The following ARMC2 variants were observed in gnomAD, a reference collection of about 807,000 sequenced individuals.
The protein encoded by ARMC2 is armadillo repeat-containing protein 2.
Under a neutral mutation model 90.3 loss-of-function variants are expected in ARMC2, and 67 were observed. That is an observed-to-expected ratio of 0.74 (90% CI 0.61 to 0.91). ARMC2 has a LOEUF of 0.91. Among genes scored for constraint, ARMC2 ranks in the 40% least tolerant of loss-of-function variants. The pLI is 0.00. For synonymous variants in ARMC2, 393 were observed against 393.0 expected, an observed-to-expected ratio of 1.00 and a Z score of 0.00; for missense variants, 920 against 1,030.9, an observed-to-expected ratio of 0.89 and a Z score of 1.47.
chr6:108,864,845 A>G (rs1211414194), intron 3 of ARMC2, among the ~76,000 whole-genome samples: 1 of 152,150 alleles, frequency 6.6e-6, no homozygotes, highest in African/African-American at 2.4e-5. Context: ...GGGTTGTCCT[A>G]TGGAAATAGA....
Position 108,912,568 on chromosome 6 carries a change from T to C in ARMC2, c.1350+10T>C, listed in dbSNP as rs536264168. On this transcript the variant is annotated intron_variant, in intron 10 of 17. Transcript: ENST00000392644. ...CCACTTGCTAGTCCAGGTAAGTATT[T>C]TACTTGAAAACGTTAGATGTGTAAA... 186 of 1,599,758 alleles carry C rather than the reference T, an allele frequency of 1.2e-4. 1 individual carries two copies. In the South Asian group the frequency reaches 1.5e-3, roughly 13 times the overall value.
chr6:108,892,690 C>T lies in ARMC2; in HGVS notation c.672-1777C>T, dbSNP rs537064308. Among the ~76,000 whole-genome samples the T allele has an allele frequency of 4.2e-5, 6 of 142,040 alleles. No homozygotes were observed. In the East Asian group the frequency reaches 1.3e-3, roughly 30 times the overall value. 93.2% of individuals were successfully genotyped at this position (142,040 alleles called of 152,430 possible). A position where few individuals can be genotyped will look rare whatever the true frequency, so the allele number is the denominator to read the frequency against. On this transcript the variant is annotated intron_variant, in intron 5 of 17. Transcript: ENST00000392644. The stretch of plus-strand genomic sequence containing the variant: ...AGGAGAATCCCTTGGACCTGGGAGG[C>T]GGAAGTTGGGGTGAGCCGAGATCAC...
downstream of ARMC2, among the ~76,000 whole-genome samples, chr6:108,978,636 C>G (rs541036431): frequency 1.5e-4 from 23 of 152,276 alleles, no homozygotes; most frequent in South Asian, 4.6e-3. Context: ...GTCTAAGTCT[C>G]TTTGTAGGTC....
intron 7 of ARMC2, among the ~76,000 whole-genome samples, chr6:108,902,917 C>T (rs1772296374): frequency 6.6e-6 from 1 of 151,984 alleles, no homozygotes; most frequent in African/African-American, 2.4e-5. Context: ...ATTACATTCC[C>T]AGGACTTTGG....
rs1778888623 is a variant in ARMC2 at position 108,973,341 on chromosome 6, A to C, written c.2447-16A>C. The C allele has an allele frequency of 6.3e-7, 1 of 1,593,022 alleles. No individual in the cohort carries two copies. The highest frequency in any genetic ancestry group is 1.4e-5 in the African/African-American group (1 of 73,796). ...CATTTCTAAATAATGCTGTAATTTAAATTTTTCTAATACAGATGAAGAACT... is the reference window on the plus strand; with the variant it reads ...CATTTCTAAATAATGCTGTAATTTACATTTTTCTAATACAGATGAAGAACT... On this transcript the variant is annotated splice_polypyrimidine_tract_variant and intron_variant, in intron 17 of 17. Coordinates refer to ENST00000392644, the MANE Select transcript of ARMC2 (RefSeq NM_032131.6).
intron 4 of ARMC2, among the ~76,000 whole-genome samples, chr6:108,874,566 G>C (rs1776750558): frequency 6.6e-6 from 1 of 152,184 alleles, no homozygotes; most frequent in African/African-American, 2.4e-5. Context: ...CAATAATCAT[G>C]ACAATAACTT....
chr6:108,867,696 G>C (rs1458257178), intron 3 of ARMC2, among the ~76,000 whole-genome samples: 2 of 152,144 alleles, frequency 1.3e-5, no homozygotes, highest in Admixed American at 1.3e-4. Context: ...GCTTGAACCT[G>C]GGAGGCGGAG....
chr6:108,988,448 G>T, the ARMC2 span: 1 of 1,103,386 alleles, frequency 9.1e-7, no homozygotes, highest in Non-Finnish European at 1.3e-6. Flanking sequence ...GGTTGGTAGG[G>T]GTGATGGAAA....
chr6:109,050,925 T>C, the ARMC2 span, among the ~76,000 whole-genome samples: 1 of 152,140 alleles, frequency 6.6e-6, no homozygotes, highest in African/African-American at 2.4e-5. Flanking sequence ...GGGAATGTGG[T>C]CCTCAGCCAC....
chr6:108,967,128 C>G (rs1157194812), intron 17 of ARMC2, among the ~76,000 whole-genome samples: 2 of 152,198 alleles, frequency 1.3e-5, no homozygotes, highest in Non-Finnish European at 2.9e-5. Context: ...CTTACTCTCT[C>G]TAGGCTCCTT....
intron 10 of ARMC2, among the ~76,000 whole-genome samples, chr6:108,914,822 G>A (rs1773785531): frequency 6.6e-6 from 1 of 152,116 alleles, no homozygotes; most frequent in Non-Finnish European, 1.5e-5. Context: ...CTGCTTTTGT[G>A]AATGTGTAAC....
chr6:108,980,815 C>T, the ARMC2 span, among the ~76,000 whole-genome samples: 4 of 152,092 alleles, frequency 2.6e-5, no homozygotes, highest in Non-Finnish European at 5.9e-5. Flanking sequence ...TCTTGAACCT[C>T]GGAGGTGGAG....
chr6:108,952,904 A>C, intron 12 of ARMC2, 129 bp from the exon 13 acceptor site: 1 of 884,708 alleles, frequency 1.1e-6, no homozygotes, highest in East Asian at 2.6e-5. Context: ...ATACTGTACA[A>C]GTGAGCCGAA....
At chr6:109,050,303 T>C in the ARMC2 span, among the ~76,000 whole-genome samples, 3 of 150,686 alleles carry the variant, frequency 2.0e-5, no homozygotes, top group Non-Finnish European at 4.4e-5. Context: ...CGCCATTAAG[T>C]AGCAGTCAAA....
the ARMC2 span, among the ~76,000 whole-genome samples, chr6:109,024,054 A>G: frequency 1.4e-4 from 22 of 152,314 alleles, no homozygotes; most frequent in East Asian, 4.1e-3. Flanking sequence ...GACTATTGAT[A>G]TAGCAACATT....
At chr6:108,993,337 G>C in the ARMC2 span, among the ~76,000 whole-genome samples, 1 of 152,044 alleles carries the variant, frequency 6.6e-6, no homozygotes, top group Middle Eastern at 3.2e-3. Context: ...AAATCCCATG[G>C]GTTAACATTT....
intron 14 of ARMC2, 67 bp from the exon 15 acceptor site, chr6:108,961,947 G>T: frequency 8.5e-7 from 1 of 1,181,168 alleles, no homozygotes; most frequent in South Asian, 1.4e-5. Context: ...GTATGATGTT[G>T]ATTTCCATTA....
chr6:108,998,302 T>C, the ARMC2 span, among the ~76,000 whole-genome samples: 1 of 152,190 alleles, frequency 6.6e-6, no homozygotes. Flanking sequence ...TAGAGTTTTG[T>C]ACATCACTTT....
chr6:109,002,395 C>A, the ARMC2 span: 2 of 1,449,674 alleles, frequency 1.4e-6, no homozygotes, highest in Non-Finnish European at 1.9e-6. Context: ...ACAAAATGAA[C>A]TGAGGCTAAA....
Sources: allele counts gnomAD v4.1 joint callset (sites outside exome capture counted in the v4.1 genomes callset), GRCh38; gene constraint gnomAD v4.1.1; transcripts MANE v1.5; gene names NCBI Gene and HGNC (gene_info 2026-07-23, HGNC 2026-07-21).